Variants in ERVK3-1 observed in about 807,000 individuals in gnomAD.
The protein encoded by ERVK3-1 is endogenous retrovirus group K3 member 1.
At position 58,312,580 on chromosome 19, in the gene ERVK3-1, T is replaced by C. The variant is rs1568534028; in HGVS notation, c.294+118T>C. The C allele has an allele frequency of 5.0e-6, 2 of 398,466 alleles. No individual in the cohort carries two copies. The highest frequency in any genetic ancestry group is 8.9e-6 in the Non-Finnish European group (2 of 225,942). The allele number at this position is 398,466 out of a possible 1,614,324, so 24.7% of individuals were successfully genotyped here. On this transcript the variant is annotated intron_variant, in intron 3 of 3. Transcript: ENST00000413518. The surrounding 1 kb of genome is among the most constrained non-coding windows in gnomAD (Gnocchi z 4.7). ...TGAGATATATTATGATCAGGGAGCGTGGGCACCAGGACCCCTAACTCCGTC... is the reference window on the plus strand; with the variant it reads ...TGAGATATATTATGATCAGGGAGCGCGGGCACCAGGACCCCTAACTCCGTC...
At chr19:58,309,349 A>C (rs1222846909) in intron 2 of ERVK3-1, 1 of 152,244 alleles carries the variant, frequency 6.6e-6, no homozygotes, top group Non-Finnish European at 1.5e-5. Flanking sequence ...AGGTACAAAC[A>C]ACCTCCTCAT....
rs150652003 is a variant in ERVK3-1, at chr19:58,309,675, T to TC, written c.-3-2489dup. 294 of 152,356 alleles carry TC rather than the reference T, an allele frequency of 1.9e-3. 3 individuals carry two copies. The highest frequency in any genetic ancestry group is 6.8e-3 in the African/African-American group (284 of 41,574). The allele number at this position is 152,356 out of a possible 1,614,324, so 9.4% of individuals were successfully genotyped here. ...TGTTTATTCTTCCTACCCCCCATTC[T>TC]CCATCAGGACTTTTAGCTCAATTCA... On this transcript the variant is annotated intron_variant, in intron 2 of 3. Transcript: ENST00000413518.
chr19:58,315,175 G>T, exon 4 of ERVK3-1: 1 of 169,002 alleles, frequency 5.9e-6, no homozygotes, highest in East Asian at 1.5e-4. Flanking sequence ...CTAATATCAA[G>T]GAGCCCCCTG....
At chr19:58,311,925 CAA>C (rs1555776146) in intron 2 of ERVK3-1, 1 of 327,148 alleles carries the variant, frequency 3.1e-6, no homozygotes, top group Non-Finnish European at 5.5e-6. Context: ...GCTGAAAAAA[CAA>C]AAAGGGAGAA....
chr19:58,308,859 C>T (rs1001582843), intron 2 of ERVK3-1, among the ~76,000 whole-genome samples: 2 of 152,186 alleles, frequency 1.3e-5, no homozygotes, highest in African/African-American at 2.4e-5. Flanking sequence ...TTGGAATTCA[C>T]CAGTATTTGT....
intron 1 of ERVK3-1, among the ~76,000 whole-genome samples, chr19:58,305,729 T>G (rs2051517982): frequency 6.6e-6 from 1 of 152,170 alleles, no homozygotes; most frequent in Admixed American, 6.5e-5. Flanking sequence ...GGAGGCTCTA[T>G]GAGCAAACCG....
chr19:58,316,305 T>G (rs567059007), downstream of ERVK3-1, among the ~76,000 whole-genome samples: 22 of 152,272 alleles, frequency 1.4e-4, no homozygotes, highest in East Asian at 4.2e-3. Flanking sequence ...TACCCCTGAC[T>G]GATGAGGCCA....
In ERVK3-1 at chr19:58,312,071, T is replaced by C. The variant is rs747721874; in HGVS notation, c.-3-95T>C. ...TGCTAGAGGAAAAGAGGCAAGTTTA[T>C]CCAAAAGTGTTATGGAAATCCCCAG... On this transcript the variant is annotated intron_variant, in intron 2 of 3. Transcript: ENST00000413518. The surrounding 1 kb of genome is among the most constrained non-coding windows in gnomAD (Gnocchi z 4.7). 29 of 398,316 alleles carry C rather than the reference T, an allele frequency of 7.3e-5. No individual in the cohort carries two copies. The highest frequency in any genetic ancestry group is 1.2e-4 in the Non-Finnish European group (27 of 226,028). The allele number at this position is 398,316 out of a possible 1,614,324, so 24.7% of individuals were successfully genotyped here. A position where few individuals can be genotyped will look rare whatever the true frequency, so the allele number is the denominator to read the frequency against.
downstream of ERVK3-1, among the ~76,000 whole-genome samples, chr19:58,315,869 G>C (rs1054343128): frequency 9.9e-5 from 15 of 152,148 alleles, no homozygotes; most frequent in African/African-American, 3.6e-4. Context: ...TCAAAGCCAG[G>C]AGCCTAGAGC....
intron 2 of ERVK3-1, chr19:58,311,925 CAAA>C: frequency 3.1e-6 from 1 of 327,260 alleles, no homozygotes. Flanking sequence ...GCTGAAAAAA[CAAA>C]AAGGGAGAAT....
At chr19:58,307,775 C>T in intron 2 of ERVK3-1, among the ~76,000 whole-genome samples, 1 of 149,206 alleles carries the variant, frequency 6.7e-6, no homozygotes, top group East Asian at 1.9e-4. Context: ...CTGGGCCCCT[C>T]AAACAATGAG....
rs571715882 is a variant in ERVK3-1 at position 58,312,118 on chromosome 19, C to T, written c.-3-48C>T. ...CCAGAAGAAGGACAATGGAAAGGTC[C>T]GGTGGATTTGCTGACGTGGGGACGA... On this transcript the variant is annotated intron_variant, in intron 2 of 3. Transcript: ENST00000413518. This position sits in a 1 kb window ranked among gnomAD's most constrained non-coding sequence, Gnocchi z 4.7. The T allele has an allele frequency of 2.8e-5, 11 of 399,860 alleles. No individual in the cohort carries two copies. The highest frequency in any genetic ancestry group is 1.4e-4 in the African/African-American group (7 of 48,710). The allele number at this position is 399,860 out of a possible 1,614,324, so 24.8% of individuals were successfully genotyped here. A position where few individuals can be genotyped will look rare whatever the true frequency, so the allele number is the denominator to read the frequency against.
In ERVK3-1 at chr19:58,312,223, C is replaced by G. The variant is rs11558785; in HGVS notation, c.55C>G (p.Arg19Gly). Reference sequence around the variant, plus strand: ...TGTGTGTGACCATGGAACGGGAGACCGGAGGGATCCATGGTATTCAACCGT... The same window carrying G: ...TGTGTGTGACCATGGAACGGGAGACGGGAGGGATCCATGGTATTCAACCGT... The change falls in exon 3 of 4, where the codon CGG (arginine) becomes GGG (glycine). Residue 19 changes from arginine (R) to glycine (G), a missense_variant. By Grantham distance (125) the Arg-to-Gly change is moderately radical. Transcript: ENST00000413518. The surrounding 1 kb of genome is among the most constrained non-coding windows in gnomAD (Gnocchi z 4.7). 4 of 399,970 alleles carry G rather than the reference C, an allele frequency of 1.0e-5. No homozygotes were observed. Among genetic ancestry groups the G allele is most frequent in the African/African-American group, 2.1e-5 (1 of 48,636 alleles). The allele number at this position is 399,970 out of a possible 1,614,324, so 24.8% of individuals were successfully genotyped here. A position where few individuals can be genotyped will look rare whatever the true frequency, so the allele number is the denominator to read the frequency against.
chr19:58,307,613 C>G (rs74258238), intron 2 of ERVK3-1, among the ~76,000 whole-genome samples: 4 of 149,376 alleles, frequency 2.7e-5, no homozygotes, highest in African/African-American at 7.7e-5. Context: ...TACCGCCCCC[C>G]CCTCCCCGCC....
intron 2 of ERVK3-1, chr19:58,311,075 T>G (rs2051554112): frequency 6.5e-6 from 1 of 154,864 alleles, no homozygotes; most frequent in South Asian, 1.9e-4. Context: ...GCAAGGATTA[T>G]TGTAATATTG....
chr19:58,306,399 G>A (rs1486269600), intron 2 of ERVK3-1, 183 bp downstream of exon 2: 1 of 152,214 alleles, frequency 6.6e-6, no homozygotes, highest in African/African-American at 2.4e-5. Flanking sequence ...ATAACCCATG[G>A]TTTCTGCAGA....
intron 2 of ERVK3-1, chr19:58,309,090 C>CACACACA (rs1226464334): frequency 6.6e-6 from 1 of 152,204 alleles, no homozygotes; most frequent in South Asian, 2.1e-4. Context: ...TTCTATTAAT[C>CACACACA]AGAGAGAGCC....
At chr19:58,309,004 T>TA (rs1161882303) in intron 2 of ERVK3-1, 2 of 152,190 alleles carry the variant, frequency 1.3e-5, no homozygotes, top group East Asian at 3.8e-4. Context: ...CCTCTTGTAG[T>TA]AATAGATCTT....
chr19:58,316,413 A>G (rs2051593172), downstream of ERVK3-1, among the ~76,000 whole-genome samples: 1 of 152,182 alleles, frequency 6.6e-6, no homozygotes, highest in Non-Finnish European at 1.5e-5. Flanking sequence ...GCAGTGGCTC[A>G]TGCCTGTAAT....
Sources: allele counts gnomAD v4.1 joint callset (sites outside exome capture counted in the v4.1 genomes callset), GRCh38; gene constraint gnomAD v4.1.1; non-coding constraint Gnocchi (gnomAD v3.1); transcripts MANE v1.5; gene names NCBI Gene and HGNC (gene_info 2026-07-23, HGNC 2026-07-21).